The following GYPB variants were observed in gnomAD, a reference collection of about 807,000 sequenced individuals.
GYPB encodes the protein glycophorin B (MNS blood group), also known as glycophorin-B.
A neutral mutation model predicts 15.3 loss-of-function variants in GYPB; 13 were observed. The ratio of observed to expected loss-of-function variants is 0.85; its 90% CI spans 0.55 to 1.35. The LOEUF (loss-of-function observed/expected upper bound fraction) is 1.35. GYPB is among the 40% of genes most tolerant of loss of function. The pLI is 0.00. For missense variants in GYPB, 131 were observed against 108.3 expected (o/e 1.21, Z -0.93); for synonymous variants, 38 against 36.9 (o/e 1.03, Z -0.11).
chr4:143,999,223 A>T (rs1727484912), intron 3 of GYPB, 188 bp downstream of exon 3: 3 of 505,130 alleles, frequency 5.9e-6, no homozygotes, highest in Non-Finnish European at 7.1e-6. Flanking sequence ...AAATGTTTTT[A>T]AAAATAAGAA....
In GYPB at chr4:144,009,710, T is replaced by C. The variant is rs1260323336; in HGVS notation, c.38-8427A>G. ...CTCACTGCAAACTCCGCCTCCCGGGTTCACTCCATTCTCCTGCCTCAGCCT... is the reference window on the plus strand; with the variant it reads ...CTCACTGCAAACTCCGCCTCCCGGGCTCACTCCATTCTCCTGCCTCAGCCT... On this transcript the variant is annotated intron_variant, in intron 1 of 4. Transcript: ENST00000502664. Among the ~76,000 whole-genome samples the C allele has an allele frequency of 1.4e-4, 19 of 132,936 alleles. 1 individual carries two copies. The highest frequency in any genetic ancestry group is 5.5e-4 in the African/African-American group (19 of 34,760). The allele number at this position is 132,936 out of a possible 152,430, so 87.2% of individuals were successfully genotyped here.
intron 2 of GYPB, chr4:144,000,072 T>C (rs1440044818): frequency 5.5e-5 from 10 of 182,320 alleles, no homozygotes; most frequent in South Asian, 3.8e-4. Context: ...CATGAAGCTC[T>C]CTTATACCAA....
At chr4:143,998,965 A>G (rs867416778) in intron 3 of GYPB, among the ~76,000 whole-genome samples, 1 of 150,996 alleles carries the variant, frequency 6.6e-6, no homozygotes, top group Admixed American at 6.6e-5. Context: ...TGGCACAGTC[A>G]TAGCTCACTG....
intron 1 of GYPB, chr4:144,002,681 A>G (rs1179243776): frequency 7.8e-7 from 1 of 1,286,598 alleles, no homozygotes; most frequent in South Asian, 1.2e-5. Context: ...CCTCAGCTGA[A>G]TGCTCAAAGT....
downstream of GYPB, among the ~76,000 whole-genome samples, chr4:143,995,531 C>T (rs550581080): frequency 1.9e-4 from 29 of 151,318 alleles, no homozygotes; most frequent in Admixed American, 7.2e-4. Flanking sequence ...CTTTCTGAGG[C>T]GTGGGCATCC....
intron 2 of GYPB, among the ~76,000 whole-genome samples, chr4:143,999,695 C>T (rs1395768285): frequency 2.0e-5 from 3 of 151,320 alleles, no homozygotes; most frequent in Non-Finnish European, 4.4e-5. Flanking sequence ...CAAATTGTCT[C>T]ATAACTGAGG....
intron 1 of GYPB, among the ~76,000 whole-genome samples, chr4:144,013,924 A>T (rs1347827517): frequency 2.7e-5 from 4 of 150,716 alleles, no homozygotes; most frequent in Non-Finnish European, 1.5e-5. Flanking sequence ...TAGTAAAAAA[A>T]AAATAATGGG....
rs571750928 is a variant in GYPB at position 144,008,098 on chromosome 4, T to C, written c.38-6815A>G. 1.1e-4 allele frequency among the ~76,000 whole-genome samples: 17 copies of C among 151,748 alleles called. 2 individuals carry two copies. The highest frequency in any genetic ancestry group is 8.5e-4 in the Admixed American group (13 of 15,300). The stretch of plus-strand genomic sequence containing the variant: ...AACTAGCTGAGACCCTATTGTTAGA[T>C]GTTAATTATTCTTTGTGGAGGAGGA... On this transcript the variant is annotated intron_variant, in intron 1 of 4. Transcript: ENST00000502664.
downstream of GYPB, among the ~76,000 whole-genome samples, chr4:143,995,831 T>C (rs1727285614): frequency 6.6e-6 from 1 of 151,374 alleles, no homozygotes; most frequent in African/African-American, 2.5e-5. Flanking sequence ...GATAAACTTG[T>C]CTTTGCTTTT....
intron 1 of GYPB, among the ~76,000 whole-genome samples, chr4:144,002,367 T>G (rs1249266776): frequency 1.3e-5 from 2 of 151,534 alleles, no homozygotes; most frequent in African/African-American, 4.9e-5. Context: ...AAGTCTGACT[T>G]TCTACTTAAT....
Position 143,996,322 on chromosome 4 carries a change from G to A in GYPB, c.271-18C>T, listed in dbSNP as rs1727309212. On this transcript the variant is annotated intron_variant, in intron 4 of 4. Transcript: ENST00000502664. ...CCTCATGCCTGTGATAAAAAGACAA[G>A]AAGTTTCCACTTCAGCCTCTGCTTG... The A allele has an allele frequency of 6.4e-7, 1 of 1,550,590 alleles. No homozygotes were observed. Among genetic ancestry groups the A allele is most frequent in the Admixed American group, 2.0e-5 (1 of 51,014 alleles).
In GYPB at chr4:144,018,517, G is replaced by A. The variant is rs570834979; in HGVS notation, c.37+734C>T. The stretch of plus-strand genomic sequence containing the variant: ...GGGCACTAGTATTGCTAACACATAA[G>A]CACTGCACTTGAGAGGATGTTTAAC... On this transcript the variant is annotated intron_variant, in intron 1 of 4. Coordinates refer to ENST00000502664, the MANE Select transcript of GYPB (RefSeq NM_002100.6). Among the ~76,000 whole-genome samples the A allele has an allele frequency of 7.1e-4, 108 of 151,316 alleles. 1 individual carries two copies. Among genetic ancestry groups the A allele is most frequent in the Non-Finnish European group, 1.2e-3 (85 of 68,016 alleles).
intron 1 of GYPB, chr4:144,012,597 T>A (rs1008464793): frequency 1.3e-5 from 2 of 151,566 alleles, no homozygotes; most frequent in African/African-American, 2.4e-5. Flanking sequence ...AGCAATAAAA[T>A]CTGTGTGATT....
At chr4:144,017,839 A>ACACTACAT (rs1211182221) in intron 1 of GYPB, among the ~76,000 whole-genome samples, 1 of 151,358 alleles carries the variant, frequency 6.6e-6, no homozygotes, top group Non-Finnish European at 1.5e-5. Flanking sequence ...TACAAATATT[A>ACACTACAT]CACTACATCC....
rs113911097 is a variant in GYPB at position 144,009,695 on chromosome 4, A to G, written c.38-8412T>C. On this transcript the variant is annotated intron_variant, in intron 1 of 4. Transcript: ENST00000502664. ...GTGGCCCGATCTCCGCTCACTGCAA[A>G]CTCCGCCTCCCGGGTTCACTCCATT... Among the ~76,000 whole-genome samples the G allele has an allele frequency of 1.6e-4, 19 of 118,236 alleles. 1 individual carries two copies. The highest frequency in any genetic ancestry group is 7.3e-4 in the Admixed American group (6 of 8,228). The allele number at this position is 118,236 out of a possible 152,430, so 77.6% of individuals were successfully genotyped here. A position where few individuals can be genotyped will look rare whatever the true frequency, so the allele number is the denominator to read the frequency against.
intron 1 of GYPB, chr4:144,008,551 G>C (rs1728046741): frequency 2.2e-6 from 1 of 453,846 alleles, no homozygotes; most frequent in African/African-American, 2.0e-5. Context: ...TTCCAATCTG[G>C]TCACTCCTGC....
chr4:144,000,388 T>G, intron 2 of GYPB: 1 of 1,012,406 alleles, frequency 9.9e-7, no homozygotes, highest in Admixed American at 3.5e-5. Flanking sequence ...CATAACGTTT[T>G]TCTTTTCTGG....
At chr4:144,013,939 G>A (rs574253019) in intron 1 of GYPB, among the ~76,000 whole-genome samples, 1 of 151,114 alleles carries the variant, frequency 6.6e-6, no homozygotes, top group South Asian at 2.1e-4. Flanking sequence ...AATGGGTGAA[G>A]GACTAGAACC....
intron 1 of GYPB, among the ~76,000 whole-genome samples, chr4:144,005,795 T>A (rs1410190945): frequency 1.3e-5 from 2 of 151,698 alleles, no homozygotes; most frequent in Admixed American, 6.5e-5. Context: ...CTGAGAAACA[T>A]ACTCTCAAGA....
Sources: allele counts gnomAD v4.1 joint callset (sites outside exome capture counted in the v4.1 genomes callset), GRCh38; gene constraint gnomAD v4.1.1; transcripts MANE v1.5; gene names NCBI Gene and HGNC (gene_info 2026-07-23, HGNC 2026-07-21).